Variants in PIGB observed in about 807,000 individuals in gnomAD.
PIGB encodes the protein phosphatidylinositol glycan anchor biosynthesis class B.
In PIGB, 58 loss-of-function variants were observed where a neutral mutation model predicts 68.4. The observed-to-expected ratio is 0.85, with a 90% confidence interval of 0.69 to 1.06. The LOEUF (loss-of-function observed/expected upper bound fraction) is 1.06, where lower values mean the gene tolerates loss of function less well. Ranked by LOEUF, PIGB falls within the 50% of genes least tolerant of loss-of-function variation. PIGB has a pLI of 0.00. For synonymous variants in PIGB, 219 were observed against 220.5 expected (o/e 0.99, Z 0.06); for missense variants, 634 against 655.8 (o/e 0.97, Z 0.36).
intron 6 of PIGB, among the ~76,000 whole-genome samples, chr15:55,336,718 T>C (rs982360800): frequency 4.6e-5 from 7 of 152,256 alleles, no homozygotes; most frequent in African/African-American, 1.7e-4. Flanking sequence ...TTGGGCACGA[T>C]GGCTCACGCC....
intron 7 of PIGB, 52 bp from the exon 8 acceptor site, chr15:55,340,558 GAT>G: frequency 8.4e-7 from 1 of 1,187,572 alleles, no homozygotes; most frequent in Non-Finnish European, 1.2e-6. Flanking sequence ...TAATGCCAAA[GAT>G]TACTACTTGG....
At position 55,321,276 on chromosome 15, in the gene PIGB, T is replaced by G; in HGVS notation, c.303T>G (p.Tyr101Ter). Residue 101 changes from tyrosine to a stop codon, truncating the protein, a stop_gained, in exon 3 of 12, where the codon TAT becomes TAG. Coordinates refer to ENST00000164305, the MANE Select transcript of PIGB (RefSeq NM_004855.5). LOFTEE classifies it high-confidence loss of function. ...LEVSHHMVFN[Y>*]GYLTWEWTER... ...ATTTACTCCTTAATGTTACTAATTA[T>G]GGTTATTTGACTTGGGAATGGACAG... 1 of 1,598,566 alleles carries G rather than the reference T, an allele frequency of 6.3e-7. No individual in the cohort carries two copies. Among genetic ancestry groups the G allele is most frequent in the Non-Finnish European group, 8.5e-7 (1 of 1,172,014 alleles).
chr15:55,319,403 G>T lies in PIGB; in HGVS notation c.153G>T (p.Arg51Ser). ...TCAACACCCAGGAGAAGAGCGCCAG[G>T]CGCCGCGGGGGTGAGTGAGGGGACA... Reference protein sequence around the residue: ...LYFNTQEKSARRRGDLLGENI... With the variant: ...LYFNTQEKSASRRGDLLGENI... Residue 51 changes from arginine (R) to serine (S), a missense_variant, in exon 1 of 12, where the codon AGG (arginine) becomes AGT (serine). Coordinates refer to ENST00000164305, the MANE Select transcript of PIGB (RefSeq NM_004855.5). 6.4e-7 allele frequency: 1 copy of T among 1,551,910 alleles called. No homozygotes were observed.
chr15:55,325,659 G>A (rs1443570095), intron 3 of PIGB, among the ~76,000 whole-genome samples: 1 of 152,218 alleles, frequency 6.6e-6, no homozygotes, highest in African/African-American at 2.4e-5. Flanking sequence ...GCTCATGCCT[G>A]TAATCCTAGC....
intron 2 of PIGB, among the ~76,000 whole-genome samples, 200 bp from the exon 3 acceptor site, chr15:55,321,073 C>T (rs1044426977): frequency 4.6e-5 from 7 of 151,866 alleles, no homozygotes; most frequent in Non-Finnish European, 8.8e-5. Flanking sequence ...TTAAGACTGC[C>T]ACAAAATAAA....
chr15:55,320,225 G>A (rs1186436032), intron 1 of PIGB, 50 bp from the exon 2 acceptor site: 1 of 1,579,386 alleles, frequency 6.3e-7, no homozygotes, highest in Non-Finnish European at 8.6e-7. Context: ...TTTGCAAGTG[G>A]AACTGCCTGA....
Position 55,329,855 on chromosome 15 carries a change from G to T in PIGB, c.653+1G>T. ...TGGAAGGTTCAAAGTCTATGAACAGGTAAGAAAAATTATTGTTAATAATTA... is the reference window on the plus strand; with the variant it reads ...TGGAAGGTTCAAAGTCTATGAACAGTTAAGAAAAATTATTGTTAATAATTA... On this transcript the variant is annotated splice_donor_variant, in intron 5 of 11. Coordinates refer to ENST00000164305, the MANE Select transcript of PIGB (RefSeq NM_004855.5). LOFTEE classifies it high-confidence loss of function. The T allele has an allele frequency of 1.3e-6, 2 of 1,548,274 alleles. No homozygotes were observed. The highest frequency in any genetic ancestry group is 1.8e-6 in the Non-Finnish European group (2 of 1,136,486).
Position 55,341,790 on chromosome 15 carries a change from A to G in PIGB, c.1111A>G (p.Met371Val). 2 of 1,453,794 alleles carry G rather than the reference A, an allele frequency of 1.4e-6. No individual in the cohort carries two copies. Among genetic ancestry groups the G allele is most frequent in the South Asian group, 1.5e-5 (1 of 66,810 alleles). 90.1% of individuals were successfully genotyped at this position (1,453,794 alleles called of 1,614,324 possible). Residue 371 changes from methionine to valine, a missense_variant, in exon 9 of 12, where the codon ATG (methionine) becomes GTG (valine). Met to Val is a conservative substitution (Grantham distance 21). Coordinates refer to ENST00000164305, the MANE Select transcript of PIGB (RefSeq NM_004855.5). ...TATTTATCCAGTTTTACCATTCTGT[A>G]TGGTGTTCTGTGGTAAGTGCTTTTG... The part of the protein sequence containing the change: ...RFIYPVLPFC[M>V]VFCGYSLTHL...
At chr15:55,347,592 T>C (rs2055823991) in intron 9 of PIGB, among the ~76,000 whole-genome samples, 1 of 152,214 alleles carries the variant, frequency 6.6e-6, no homozygotes, top group African/African-American at 2.4e-5. Context: ...CATAATACTG[T>C]TGAAGACAAT....
intron 10 of PIGB, among the ~76,000 whole-genome samples, chr15:55,353,314 T>G (rs1004793053): frequency 6.6e-6 from 1 of 152,184 alleles, no homozygotes; most frequent in East Asian, 1.9e-4. Context: ...AAGACTAGAG[T>G]AGGCCGGCAG....
intron 1 of PIGB, chr15:55,319,773 C>T (rs916091073): frequency 1.0e-5 from 2 of 199,376 alleles, no homozygotes; most frequent in Non-Finnish European, 2.1e-5. Flanking sequence ...TAAAATGGGG[C>T]TAATAATACC....
chr15:55,330,557 C>G (rs927926255), intron 5 of PIGB, among the ~76,000 whole-genome samples: 41 of 152,142 alleles, frequency 2.7e-4, no homozygotes, highest in African/African-American at 9.9e-4. Context: ...GCAGATTGTC[C>G]AGAGTAGTTA....
At chr15:55,339,688 T>C (rs1033501716) in intron 7 of PIGB, among the ~76,000 whole-genome samples, 1 of 152,214 alleles carries the variant, frequency 6.6e-6, no homozygotes, top group Admixed American at 6.5e-5. Context: ...ATGTCTACTA[T>C]CCTCTTTATC....
chr15:55,353,945 T>C (rs908919962), intron 10 of PIGB, among the ~76,000 whole-genome samples: 2 of 151,560 alleles, frequency 1.3e-5, no homozygotes, highest in Non-Finnish European at 2.9e-5. Context: ...CATTACTTAT[T>C]TGGATGTTAA....
Position 55,329,567 on chromosome 15 carries a change from C to T in PIGB, c.523-157C>T, listed in dbSNP as rs569887925. On this transcript the variant is annotated intron_variant, in intron 4 of 11. Coordinates refer to ENST00000164305, the MANE Select transcript of PIGB (RefSeq NM_004855.5). Reference sequence around the variant, plus strand: ...ATAAACCTGTGTTTCATGTAACTTTCTAAAAACGACGTTTGGGCATGCCTA... The same window carrying T: ...ATAAACCTGTGTTTCATGTAACTTTTTAAAAACGACGTTTGGGCATGCCTA... Among the ~76,000 whole-genome samples, 166 of 152,308 alleles carry T rather than the reference C, an allele frequency of 1.1e-3. 1 individual carries two copies. The highest frequency in any genetic ancestry group is 3.8e-3 in the African/African-American group (157 of 41,578).
intron 6 of PIGB, 111 bp downstream of exon 6, chr15:55,334,118 ACT>A (rs2055483964): frequency 1.5e-6 from 1 of 656,324 alleles, no homozygotes; most frequent in East Asian, 3.2e-5. Context: ...GTCAATGAGA[ACT>A]CTTAGTCCAA....
intron 4 of PIGB, among the ~76,000 whole-genome samples, chr15:55,327,928 T>A (rs2055329984): frequency 6.6e-6 from 1 of 152,182 alleles, no homozygotes; most frequent in Admixed American, 6.5e-5. Context: ...TGCCTCTCTT[T>A]CCATAGAATT....
intron 2 of PIGB, among the ~76,000 whole-genome samples, chr15:55,320,710 T>C (rs1457591937): frequency 1.3e-5 from 2 of 152,238 alleles, no homozygotes; most frequent in Non-Finnish European, 2.9e-5. Context: ...TGAACTTTTA[T>C]GTGGTCTCTC....
intron 9 of PIGB, chr15:55,349,681 T>C (rs1488731773): frequency 6.6e-6 from 1 of 152,174 alleles, no homozygotes; most frequent in African/African-American, 2.4e-5. Context: ...TGGATGATAT[T>C]AACATATTCA....
Sources: gnomAD v4.1 joint callset for allele counts (sites outside exome capture counted in the v4.1 genomes callset) on GRCh38, gnomAD v4.1.1 for gene constraint, MANE v1.5 for transcripts, NCBI Gene and HGNC (gene_info 2026-07-23, HGNC 2026-07-21) for gene names.